TEC: variants seen among roughly 807,000 people sequenced by gnomAD.
The protein encoded by TEC is tyrosine-protein kinase Tec.
TEC carries 72 observed loss-of-function variants against 93.0 expected under a neutral mutation model. The ratio of observed to expected loss-of-function variants is 0.77; its 90% CI spans 0.64 to 0.94. The LOEUF (loss-of-function observed/expected upper bound fraction) is 0.94, where lower values mean the gene tolerates loss of function less well. Among genes scored for constraint, TEC ranks in the 40% least tolerant of loss-of-function variants. The pLI, the probability that TEC is intolerant of heterozygous loss-of-function variation, is 0.00. For synonymous variants in TEC, 249 were observed against 247.7 expected (o/e 1.01, Z -0.05); for missense variants, 630 against 757.9 (o/e 0.83, Z 1.98).
At chr4:48,221,073 T>A (rs1010099881) in intron 2 of TEC, among the ~76,000 whole-genome samples, 15 of 152,230 alleles carry the variant, frequency 9.9e-5, no homozygotes, top group African/African-American at 3.6e-4. Context: ...TACTTACTAT[T>A]ATCAACTTAT....
At chr4:48,261,434 G>A (rs1482159019) in intron 1 of TEC, among the ~76,000 whole-genome samples, 2 of 152,098 alleles carry the variant, frequency 1.3e-5, no homozygotes, top group Non-Finnish European at 2.9e-5. Flanking sequence ...GCAGAAAAAT[G>A]AAACTTTAAA....
intron 1 of TEC, among the ~76,000 whole-genome samples, chr4:48,259,482 G>T (rs189329046): frequency 4.1e-4 from 63 of 152,280 alleles, no homozygotes; most frequent in African/African-American, 1.4e-3. Context: ...TTGGGAGGCT[G>T]AAGCTGGCAG....
rs571260628 is a variant in TEC, at chr4:48,255,320, C to G, written c.-46+14432G>C. On this transcript the variant is annotated intron_variant, in intron 1 of 17. Transcript: ENST00000381501. ...TTAAATCCCAGAGGAAGAGCTCCCC[C>G]TTTCCTAAATGCCAGCAGAAGAGTC... is the stretch of plus-strand genomic sequence containing the variant. 4.3e-4 allele frequency among the ~76,000 whole-genome samples: 66 copies of G among 152,254 alleles called. No homozygotes were observed. In the South Asian group the frequency reaches 6.8e-3, roughly 16 times the overall value.
chr4:48,164,440 T>C (rs186869233), intron 7 of TEC, among the ~76,000 whole-genome samples: 1 of 152,144 alleles, frequency 6.6e-6, no homozygotes, highest in African/African-American at 2.4e-5. Flanking sequence ...CTTATGTAAG[T>C]AGGAGCTAAG....
At chr4:48,267,387 C>A (rs553769281) in intron 1 of TEC, among the ~76,000 whole-genome samples, 1 of 152,290 alleles carries the variant, frequency 6.6e-6, no homozygotes, top group African/African-American at 2.4e-5. Flanking sequence ...GGGGTAGTGA[C>A]AATAAGGCAA....
intron 3 of TEC, among the ~76,000 whole-genome samples, chr4:48,174,663 GAA>G (rs61380897): frequency 0.4 from 56,449 of 141,784 alleles, 11,582 homozygotes; most frequent in East Asian, 0.9. Context: ...CATCTCAAAG[GAA>G]AAAAAAAAAA....
intron 1 of TEC, among the ~76,000 whole-genome samples, chr4:48,231,048 C>T (rs569794566): frequency 5.9e-5 from 9 of 152,290 alleles, no homozygotes; most frequent in Non-Finnish European, 1.3e-4. Flanking sequence ...GTATTAGAAT[C>T]TAGGGAATTT....
chr4:48,258,477 G>A (rs559936066), intron 1 of TEC, among the ~76,000 whole-genome samples: 13 of 152,186 alleles, frequency 8.5e-5, no homozygotes, highest in African/African-American at 2.6e-4. Context: ...ATTTTGCATA[G>A]ACTTGAGATC....
chr4:48,255,865 ATGAAGGG>A (rs2109674723), intron 1 of TEC, among the ~76,000 whole-genome samples: 1 of 152,342 alleles, frequency 6.6e-6, no homozygotes, highest in East Asian at 1.9e-4. Flanking sequence ...AAGGTACCAT[ATGAAGGG>A]TGATCTGTGA....
At chr4:48,265,452 TATACATATATAC>T (rs1724611218) in intron 1 of TEC, among the ~76,000 whole-genome samples, 1 of 32,224 alleles carries the variant, frequency 3.1e-5, no homozygotes, top group East Asian at 2.0e-3. Context: ...TACGTATATA[TATACATATATAC>T]ACACACATAT....
intron 1 of TEC, among the ~76,000 whole-genome samples, chr4:48,242,356 T>G (rs1723942651): frequency 6.6e-6 from 1 of 152,252 alleles, no homozygotes; most frequent in Non-Finnish European, 1.5e-5. Context: ...CCCAGAACAC[T>G]GCCTGAAATA....
intron 2 of TEC, among the ~76,000 whole-genome samples, chr4:48,223,526 C>G (rs994888475): frequency 1.5e-4 from 23 of 152,008 alleles, no homozygotes; most frequent in Admixed American, 1.4e-3. Flanking sequence ...GAAATTAAGT[C>G]TAACAAGACT....
At chr4:48,176,017 G>A (rs1577723262) in intron 3 of TEC, 65 bp downstream of exon 3, 4 of 1,251,494 alleles carry the variant, frequency 3.2e-6, no homozygotes, top group Admixed American at 3.6e-5. Context: ...ACAGGAAACT[G>A]TAATGTCAAA....
chr4:48,205,413 C>T (rs1722669284), intron 2 of TEC, among the ~76,000 whole-genome samples: 1 of 152,156 alleles, frequency 6.6e-6, no homozygotes, highest in Non-Finnish European at 1.5e-5. Context: ...AGTGGGAGTA[C>T]TTAACACCAT....
chr4:48,246,528 G>T (rs1724061977), intron 1 of TEC, among the ~76,000 whole-genome samples: 1 of 150,554 alleles, frequency 6.6e-6, no homozygotes, highest in African/African-American at 2.4e-5. Flanking sequence ...TTACTCTAAT[G>T]GCATAGCAAT....
intron 1 of TEC, 146 bp from the exon 2 acceptor site, chr4:48,228,805 G>A: frequency 1.8e-6 from 1 of 564,032 alleles, no homozygotes; most frequent in Non-Finnish European, 2.9e-6. Context: ...AATGCCTGGG[G>A]CACAAAAATT....
chr4:48,209,555 G>A (rs1166488881), intron 2 of TEC, among the ~76,000 whole-genome samples: 2 of 152,192 alleles, frequency 1.3e-5, no homozygotes, highest in Non-Finnish European at 2.9e-5. Flanking sequence ...TGAGGCTGCA[G>A]TGAGTTGTGA....
rs1719459142 is a variant in TEC at position 48,137,147 on chromosome 4, T to G, written c.*269A>C. On this transcript the variant is annotated 3_prime_UTR_variant, in exon 18 of 18. Transcript: ENST00000381501. ...GGCCAAACCCTGGGGCTACACACAG[T>G]GCCTGGTAAACAACTGTCACTCAAG... 4.4e-6 allele frequency: 2 copies of G among 449,864 alleles called. No homozygotes were observed. The highest frequency in any genetic ancestry group is 8.0e-6 in the Non-Finnish European group (2 of 249,868). The allele number at this position is 449,864 out of a possible 1,614,324, so 27.9% of individuals were successfully genotyped here.
chr4:48,165,892 A>C (rs914782336), intron 7 of TEC, among the ~76,000 whole-genome samples: 2 of 152,266 alleles, frequency 1.3e-5, no homozygotes, highest in African/African-American at 4.8e-5. Flanking sequence ...AATTGGTTCC[A>C]TCCTTAGACC....
Sources: allele counts gnomAD v4.1 joint callset (sites outside exome capture counted in the v4.1 genomes callset), GRCh38; gene constraint gnomAD v4.1.1; transcripts MANE v1.5; gene names NCBI Gene and HGNC (gene_info 2026-07-23, HGNC 2026-07-21).